The following SETBP1 variants were observed in gnomAD, a reference collection of about 807,000 sequenced individuals.
The protein encoded by SETBP1 is SET-binding protein.
A neutral mutation model predicts 101.0 loss-of-function variants in SETBP1; 9 were observed. That is an observed-to-expected ratio of 0.09 (90% CI 0.05 to 0.16). The LOEUF is 0.16. Among genes scored for constraint, SETBP1 ranks in the 10% least tolerant of loss-of-function variants. SETBP1 has a pLI of 1.00. For synonymous variants in SETBP1, 818 were observed against 788.5 expected (o/e 1.04, Z -0.63); for missense variants, 1,858 against 2,033.8 (o/e 0.91, Z 1.66).
chr18:44,849,631 T>A (rs1461635759), intron 2 of SETBP1, among the ~76,000 whole-genome samples: 4 of 151,082 alleles, frequency 2.6e-5, no homozygotes, highest in Non-Finnish European at 5.9e-5. Flanking sequence ...GAGCCACAAG[T>A]GATGAAGGCC....
At position 44,900,096 on chromosome 18, in the gene SETBP1, G is replaced by C. The variant is rs375958131; in HGVS notation, c.540+30813G>C. Among the ~76,000 whole-genome samples, 165 of 152,342 alleles carry C rather than the reference G, an allele frequency of 1.1e-3. 1 individual carries two copies. In the South Asian group the frequency reaches 0.033, roughly 30 times the overall value. On this transcript the variant is annotated intron_variant, in intron 3 of 5. Transcript: ENST00000649279. ...ATACAATTTGCCAACCCCTGGACTA[G>C]AAGGTAGCAAAGCCAAAGAGAAAGA...
chr18:45,038,359 T>C (rs2073440989), intron 4 of SETBP1, 126 bp from the exon 5 acceptor site: 2 of 910,210 alleles, frequency 2.2e-6, no homozygotes, highest in African/African-American at 1.6e-5. Flanking sequence ...TAAATTTCAT[T>C]CTTGTTGTAC....
At chr18:44,817,590 C>T (rs1182249512) in intron 2 of SETBP1, among the ~76,000 whole-genome samples, 2 of 151,054 alleles carry the variant, frequency 1.3e-5, no homozygotes, top group African/African-American at 4.9e-5. Flanking sequence ...GAGACTGAGA[C>T]AGGAGAATCT....
At chr18:44,851,009 T>TG (rs1211919929) in intron 2 of SETBP1, among the ~76,000 whole-genome samples, 2 of 152,286 alleles carry the variant, frequency 1.3e-5, no homozygotes, top group South Asian at 4.1e-4. Context: ...TATTCAACCT[T>TG]GGGATCTATT....
chr18:44,764,663 C>T (rs954885579), intron 2 of SETBP1, among the ~76,000 whole-genome samples: 5 of 152,018 alleles, frequency 3.3e-5, no homozygotes, highest in African/African-American at 7.2e-5. Context: ...TTAGTAGAGA[C>T]GGGGTTTCAC....
intron 2 of SETBP1, among the ~76,000 whole-genome samples, chr18:44,792,374 A>G (rs376844422): frequency 6.6e-6 from 1 of 152,202 alleles, no homozygotes; most frequent in Non-Finnish European, 1.5e-5. Flanking sequence ...CCTTGCTGCA[A>G]GGAACAGCAG....
intron 2 of SETBP1, among the ~76,000 whole-genome samples, chr18:44,794,709 TAAAC>T (rs1483428975): frequency 6.6e-6 from 1 of 152,150 alleles, no homozygotes; most frequent in African/African-American, 2.4e-5. Context: ...GTCACTCAAA[TAAAC>T]AACAGGAAGA....
chr18:44,704,331 T>C (rs1466349219), intron 2 of SETBP1, among the ~76,000 whole-genome samples: 1 of 152,224 alleles, frequency 6.6e-6, no homozygotes, highest in Non-Finnish European at 1.5e-5. Context: ...AATATGTGAT[T>C]TGCCAAGTAA....
At chr18:44,706,383 C>T (rs368922741) in intron 2 of SETBP1, among the ~76,000 whole-genome samples, 2 of 151,626 alleles carry the variant, frequency 1.3e-5, no homozygotes, top group South Asian at 2.1e-4. Flanking sequence ...ATCAGGAGTT[C>T]GAGATCAGCC....
chr18:45,012,682 TA>T (rs1006892789), intron 4 of SETBP1, among the ~76,000 whole-genome samples: 15 of 151,838 alleles, frequency 9.9e-5, no homozygotes, highest in Admixed American at 7.9e-4. Flanking sequence ...TACTCAGCCA[TA>T]AAAAAAATAA....
At chr18:45,050,746 A>T (rs952898649) in intron 5 of SETBP1, among the ~76,000 whole-genome samples, 1 of 152,094 alleles carries the variant, frequency 6.6e-6, no homozygotes, top group African/African-American at 2.4e-5. Context: ...AAATGACAGG[A>T]CTCAGAACAA....
intron 2 of SETBP1, among the ~76,000 whole-genome samples, chr18:44,835,195 A>G (rs2072470750): frequency 6.6e-6 from 1 of 152,158 alleles, no homozygotes; most frequent in Non-Finnish European, 1.5e-5. Flanking sequence ...AGGAGTAGCC[A>G]TGCAGTGCTC....
chr18:44,832,685 G>A (rs1335029859), intron 2 of SETBP1, among the ~76,000 whole-genome samples: 1 of 152,186 alleles, frequency 6.6e-6, no homozygotes, highest in East Asian at 1.9e-4. Flanking sequence ...CTGAGGCAGG[G>A]CTGATGGGCC....
intron 4 of SETBP1, among the ~76,000 whole-genome samples, chr18:44,962,903 G>GAGAT (rs1419187911): frequency 6.6e-6 from 1 of 152,148 alleles, no homozygotes; most frequent in Admixed American, 6.5e-5. Context: ...TGAGGACCCA[G>GAGAT]AGATAAAAAG....
chr18:44,974,126 T>C (rs2071932496), intron 4 of SETBP1, among the ~76,000 whole-genome samples: 1 of 152,246 alleles, frequency 6.6e-6, no homozygotes, highest in East Asian at 1.9e-4. Context: ...AATATAAAAT[T>C]ATTTGATCAC....
intron 2 of SETBP1, among the ~76,000 whole-genome samples, chr18:44,703,661 T>G (rs2069161279): frequency 6.6e-6 from 1 of 152,092 alleles, no homozygotes; most frequent in Admixed American, 6.5e-5. Context: ...TAGTTTAACA[T>G]TTTGGAAGAC....
At chr18:45,061,973 G>A (rs1457366068) in intron 5 of SETBP1, among the ~76,000 whole-genome samples, 1 of 152,200 alleles carries the variant, frequency 6.6e-6, no homozygotes, top group Non-Finnish European at 1.5e-5. Flanking sequence ...AGGGGGAGTG[G>A]CCACCTTGAA....
At chr18:45,000,023 T>C (rs1032057327) in intron 4 of SETBP1, among the ~76,000 whole-genome samples, 4 of 152,274 alleles carry the variant, frequency 2.6e-5, no homozygotes, top group Admixed American at 1.3e-4. Flanking sequence ...TTCTCATCTG[T>C]AGTCCAATGT....
intron 4 of SETBP1, among the ~76,000 whole-genome samples, chr18:45,025,758 G>A (rs1467427978): frequency 6.6e-6 from 1 of 152,158 alleles, no homozygotes; most frequent in Non-Finnish European, 1.5e-5. Context: ...CATATACAGT[G>A]GGTGATCTTT....
Sources: gnomAD v4.1 joint callset for allele counts (sites outside exome capture counted in the v4.1 genomes callset) on GRCh38, gnomAD v4.1.1 for gene constraint, MANE v1.5 for transcripts, NCBI Gene and HGNC (gene_info 2026-07-23, HGNC 2026-07-21) for gene names.